The following CNTNAP4 variants were observed in gnomAD, a reference collection of about 807,000 sequenced individuals.
CNTNAP4 encodes the protein contactin associated protein family member 4.
A neutral mutation model predicts 148.4 loss-of-function variants in CNTNAP4; 98 were observed. That is an observed-to-expected ratio of 0.66 (90% confidence interval 0.56 to 0.78). The LOEUF is 0.78. CNTNAP4 is among the 30% of genes least tolerant of loss of function. The pLI, the probability that CNTNAP4 is intolerant of heterozygous loss-of-function variation, is 0.00. For missense variants in CNTNAP4, 1,935 were observed against 1,565.6 expected (o/e 1.24, Z -3.98); for synonymous variants, 730 against 565.1 (o/e 1.29, Z -4.14).
chr16:76,365,505 C>CT (rs1567868005), intron 3 of CNTNAP4, among the ~76,000 whole-genome samples: 3 of 152,064 alleles, frequency 2.0e-5, no homozygotes, highest in African/African-American at 7.2e-5. Flanking sequence ...AATCCCAGCA[C>CT]TTTGGGAGGC....
chr16:76,436,961 A>ATATCTATC (rs780750972), intron 4 of CNTNAP4, among the ~76,000 whole-genome samples: 5,880 of 140,236 alleles, frequency 0.042, 164 homozygotes, highest in African/African-American at 0.077. Context: ...CTAATACAGA[A>ATATCTATC]TATCTATCTA....
rs567061003 is a variant in CNTNAP4 at position 76,470,608 on chromosome 16, C to G, written c.1655+3085C>G. On this transcript the variant is annotated intron_variant, in intron 10 of 23. Coordinates refer to ENST00000611870, the MANE Select transcript of CNTNAP4 (RefSeq NM_033401.5). ...AAGGTTGCAGTGAGCCAAGATTGTG[C>G]CATTGCACTCCAGCCTGGGCAACAA... is the stretch of plus-strand genomic sequence containing the variant. 6.3e-4 allele frequency among the ~76,000 whole-genome samples: 95 copies of G among 150,716 alleles called. No homozygotes were observed. In the South Asian group the frequency reaches 0.014, roughly 22 times the overall value.
rs1363129253 is a variant in CNTNAP4, at chr16:76,292,042, T to G, written c.85+14295T>G. Among the ~76,000 whole-genome samples, 12 of 152,360 alleles carry G rather than the reference T, an allele frequency of 7.9e-5. No individual in the cohort carries two copies. In the East Asian group the frequency reaches 2.3e-3, roughly 29 times the overall value. On this transcript the variant is annotated intron_variant, in intron 1 of 23. Transcript: ENST00000611870. ...CATTCCTCTATTTTGAACTCATTGG[T>G]TGTCCATTGACTTATTTTTTGATTT...
chr16:76,501,131 T>A (rs930896209), intron 15 of CNTNAP4, among the ~76,000 whole-genome samples: 14 of 152,252 alleles, frequency 9.2e-5, no homozygotes, highest in Admixed American at 4.6e-4. Flanking sequence ...ATCTCTGATA[T>A]GTATCACCTC....
At chr16:76,522,705 T>C (rs1258227341) in intron 17 of CNTNAP4, among the ~76,000 whole-genome samples, 1,122 of 21,536 alleles carry the variant, frequency 0.052, 105 homozygotes, top group Admixed American at 0.07. Flanking sequence ...TCTTTTCTTT[T>C]CTTTTCTTTT....
At chr16:76,533,289 G>A (rs181266989) in intron 17 of CNTNAP4, among the ~76,000 whole-genome samples, 18 of 152,248 alleles carry the variant, frequency 1.2e-4, no homozygotes, top group Admixed American at 7.9e-4. Flanking sequence ...TAAGGAAAGG[G>A]TGATCTCATA....
chr16:76,313,357 C>G (rs991085499), intron 1 of CNTNAP4, among the ~76,000 whole-genome samples: 1 of 152,136 alleles, frequency 6.6e-6, no homozygotes, highest in East Asian at 1.9e-4. Context: ...TTAAAAATTC[C>G]TAGTTCTAGT....
intron 17 of CNTNAP4, among the ~76,000 whole-genome samples, chr16:76,523,941 C>T (rs1471746779): frequency 6.6e-6 from 1 of 151,950 alleles, no homozygotes. Context: ...ACAACAACAA[C>T]AAAGAAATTA....
chr16:76,387,392 C>T (rs908394552), intron 3 of CNTNAP4, among the ~76,000 whole-genome samples: 17 of 152,168 alleles, frequency 1.1e-4, no homozygotes, highest in Non-Finnish European at 1.9e-4. Flanking sequence ...ATTCATAAAA[C>T]TGATTGACTG....
Position 76,532,057 on chromosome 16 carries a change from A to G in CNTNAP4, c.2756-3488A>G, listed in dbSNP as rs115926908. ...TGTGTATTTATTTTTATTATCTTGT[A>G]GTAATCTTGTGTTTCCCCATCTAAA... On this transcript the variant is annotated intron_variant, in intron 17 of 23. Transcript: ENST00000611870. 4.7e-3 allele frequency among the ~76,000 whole-genome samples: 711 copies of G among 152,286 alleles called. 4 individuals carry two copies. Among genetic ancestry groups the G allele is most frequent in the African/African-American group, 0.017 (690 of 41,556 alleles).
At chr16:76,465,601 T>G (rs2081147342) in intron 9 of CNTNAP4, among the ~76,000 whole-genome samples, 1 of 152,196 alleles carries the variant, frequency 6.6e-6, no homozygotes. Flanking sequence ...CATATTATAG[T>G]TGCTTCAAAA....
At chr16:76,498,301 A>G (rs2143865253) in intron 14 of CNTNAP4, among the ~76,000 whole-genome samples, 1 of 152,328 alleles carries the variant, frequency 6.6e-6, no homozygotes, top group East Asian at 1.9e-4. Context: ...CTGAGGCACA[A>G]GAATGGATTT....
chr16:76,492,051 G>A (rs1712538641), intron 13 of CNTNAP4, among the ~76,000 whole-genome samples: 1 of 152,068 alleles, frequency 6.6e-6, no homozygotes, highest in African/African-American at 2.4e-5. Context: ...ACTTATATAT[G>A]GAATCTAAAA....
intron 8 of CNTNAP4, 75 bp downstream of exon 8, chr16:76,452,844 A>G (rs899512995): frequency 7.8e-7 from 1 of 1,289,984 alleles, no homozygotes; most frequent in African/African-American, 1.5e-5. Context: ...AATTTTATGC[A>G]TAACCAAAAA....
At chr16:76,354,852 C>A (rs1406251985) in intron 2 of CNTNAP4, among the ~76,000 whole-genome samples, 1 of 152,206 alleles carries the variant, frequency 6.6e-6, no homozygotes, top group African/African-American at 2.4e-5. Context: ...CCAGACTTAA[C>A]AATGTCCTCC....
chr16:76,448,958 T>C lies in CNTNAP4; in HGVS notation c.927+7T>C. The stretch of plus-strand genomic sequence containing the variant: ...CATGAATCTTGATTATGAGGTGTGA[T>C]GGTTATGTTTCAATTAATGCTGATT... On this transcript the variant is annotated splice_region_variant and intron_variant, in intron 6 of 23. Coordinates refer to ENST00000611870, the MANE Select transcript of CNTNAP4 (RefSeq NM_033401.5). 6.2e-7 allele frequency: 1 copy of C among 1,610,612 alleles called. No individual in the cohort carries two copies. The highest frequency in any genetic ancestry group is 8.5e-7 in the Non-Finnish European group (1 of 1,177,680).
intron 13 of CNTNAP4, among the ~76,000 whole-genome samples, chr16:76,492,959 T>TTTC (rs1344869176): frequency 6.6e-5 from 10 of 151,866 alleles, no homozygotes; most frequent in African/African-American, 2.4e-4. Flanking sequence ...CTTTTTTTTT[T>TTTC]TTTTAATGCT....
chr16:76,415,049 A>C (rs1234869391), intron 3 of CNTNAP4, among the ~76,000 whole-genome samples: 1 of 151,264 alleles, frequency 6.6e-6, no homozygotes, highest in African/African-American at 2.4e-5. Flanking sequence ...ACAGAAGTCA[A>C]AATGAAAAAT....
chr16:76,423,605 T>C (rs2079271221), intron 3 of CNTNAP4, among the ~76,000 whole-genome samples: 2 of 152,330 alleles, frequency 1.3e-5, no homozygotes, highest in Admixed American at 6.5e-5. Flanking sequence ...GGCAAAGGAA[T>C]ACATTTGAAA....
Sources: gnomAD v4.1 joint callset for allele counts (sites outside exome capture counted in the v4.1 genomes callset) on GRCh38, gnomAD v4.1.1 for gene constraint, MANE v1.5 for transcripts, NCBI Gene and HGNC (gene_info 2026-07-23, HGNC 2026-07-21) for gene names.